Variants in EPS8 observed in about 807,000 individuals in gnomAD.
The protein encoded by EPS8 is EGFR pathway substrate 8, signaling adaptor.
Under a neutral mutation model 103.8 loss-of-function variants are expected in EPS8, and 42 were observed. That is an observed-to-expected ratio of 0.40 (90% confidence interval 0.32 to 0.52). The LOEUF is 0.52. EPS8 is among the 20% of genes least tolerant of loss of function. The probability of loss-of-function intolerance (pLI) is 0.40; values close to 1 mark genes in which losing one functional copy is unlikely to be tolerated. For synonymous variants in EPS8, 344 were observed against 344.6 expected (o/e 1.00, Z 0.02); for missense variants, 969 against 1,005.1 (o/e 0.96, Z 0.49).
In EPS8 at chr12:15,784,985, G is replaced by C. The variant is rs575220240; in HGVS notation, c.-22+4176C>G. On this transcript the variant is annotated intron_variant, in intron 1 of 20. Transcript: ENST00000281172. The surrounding 1 kb of genome is among the most constrained non-coding windows in gnomAD (Gnocchi z 4.0). ...ACAGAGGTTATGAGTGAAGCCCAGGGGATTTGTAATGTGTTGAAATTATTC... is the reference window on the plus strand; with the variant it reads ...ACAGAGGTTATGAGTGAAGCCCAGGCGATTTGTAATGTGTTGAAATTATTC... Among the ~76,000 whole-genome samples the C allele has an allele frequency of 2.8e-3, 426 of 152,096 alleles. 4 individuals are homozygous for C. Among genetic ancestry groups the C allele is most frequent in the African/African-American group, 9.7e-3 (403 of 41,510 alleles).
chr12:15,724,631 G>A (rs896023504), intron 1 of EPS8, among the ~76,000 whole-genome samples: 13 of 152,190 alleles, frequency 8.5e-5, no homozygotes, highest in Non-Finnish European at 1.3e-4. Flanking sequence ...ATTCCCATAT[G>A]TCATGGGAGG....
intron 17 of EPS8, among the ~76,000 whole-genome samples, chr12:15,638,989 T>G (rs557405392): frequency 6.6e-6 from 1 of 152,244 alleles, no homozygotes; most frequent in Non-Finnish European, 1.5e-5. Context: ...ATTCCTATTA[T>G]AGAATTCATA....
intron 3 of EPS8, among the ~76,000 whole-genome samples, chr12:15,678,630 A>C (rs1945950224): frequency 6.6e-6 from 1 of 152,156 alleles, no homozygotes; most frequent in Non-Finnish European, 1.5e-5. Context: ...GGAAAATAAA[A>C]ATTAACTGCT....
chr12:15,676,496 A>G (rs1407705456), intron 3 of EPS8, among the ~76,000 whole-genome samples: 1 of 152,170 alleles, frequency 6.6e-6, no homozygotes, highest in African/African-American at 2.4e-5. Context: ...TAAGGAGTGC[A>G]GTCCCTGAGT....
At chr12:15,703,764 C>T (rs1218912640) in intron 1 of EPS8, among the ~76,000 whole-genome samples, 1 of 146,604 alleles carries the variant, frequency 6.8e-6, no homozygotes, top group Non-Finnish European at 1.5e-5. Flanking sequence ...TTTCAGGAAG[C>T]AAAGTTGATT....
In EPS8 at chr12:15,680,842, A is replaced by G. The variant is rs576727253; in HGVS notation, c.136+384T>C. Reference sequence around the variant, plus strand: ...TATAACATCTATTAGACATACTGTAATAATACCCCCCAAAATTCAAGAGCT... The same window carrying G: ...TATAACATCTATTAGACATACTGTAGTAATACCCCCCAAAATTCAAGAGCT... On this transcript the variant is annotated intron_variant, in intron 3 of 20. Coordinates refer to ENST00000281172, the MANE Select transcript of EPS8 (RefSeq NM_004447.6). Among the ~76,000 whole-genome samples the G allele has an allele frequency of 3.3e-5, 5 of 152,292 alleles. No individual in the cohort carries two copies. In the South Asian group the frequency reaches 8.3e-4, roughly 25 times the overall value.
In EPS8 at chr12:15,757,996, C is replaced by T. The variant is rs1423668089; in HGVS notation, c.-22+31165G>A. On this transcript the variant is annotated intron_variant, in intron 1 of 20. Coordinates refer to ENST00000281172, the MANE Select transcript of EPS8 (RefSeq NM_004447.6). The surrounding 1 kb of genome is among the most constrained non-coding windows in gnomAD (Gnocchi z 4.1). ...TTGGAATCATCTGAAGGCCTATTCA[C>T]TGTCAGCTTGAGACCTTAGCTGGAG... Among the ~76,000 whole-genome samples the T allele has an allele frequency of 2.0e-5, 3 of 152,220 alleles. No individual in the cohort carries two copies.
At chr12:15,627,206 C>G (rs1416489016) in intron 18 of EPS8, among the ~76,000 whole-genome samples, 1 of 151,970 alleles carries the variant, frequency 6.6e-6, no homozygotes, top group Non-Finnish European at 1.5e-5. Context: ...GGGTTTCACC[C>G]TGTTGGCCAG....
rs186524139 is a variant in EPS8, at chr12:15,629,404, T to A, written c.2044+2038A>T. Reference sequence around the variant, plus strand: ...CTGACGTCTCTACGGAGGGAAATGCTATAAACTTGTGGGAAGAATAAAGAA... The same window carrying A: ...CTGACGTCTCTACGGAGGGAAATGCAATAAACTTGTGGGAAGAATAAAGAA... On this transcript the variant is annotated intron_variant, in intron 18 of 20. Transcript: ENST00000281172. 3.6e-3 allele frequency among the ~76,000 whole-genome samples: 541 copies of A among 152,328 alleles called. 1 individual carries two copies. The highest frequency in any genetic ancestry group is 5.5e-3 in the Non-Finnish European group (375 of 68,026).
At chr12:15,663,944 A>AAAAAAAAAAAAAAAATAAT (rs1555112203) in intron 8 of EPS8, among the ~76,000 whole-genome samples, 1 of 85,976 alleles carries the variant, frequency 1.2e-5, no homozygotes, top group African/African-American at 4.5e-5. Flanking sequence ...AAAAAAAAAA[A>AAAAAAAAAAAAAAAATAAT]AATAATATAT....
In EPS8 at chr12:15,647,275, G is replaced by A. The variant is rs1482836480; in HGVS notation, c.1435-15C>T. 1.9e-6 allele frequency: 3 copies of A among 1,605,876 alleles called. No homozygotes were observed. Among genetic ancestry groups the A allele is most frequent in the Non-Finnish European group, 2.6e-6 (3 of 1,176,108 alleles). The stretch of plus-strand genomic sequence containing the variant: ...ACACTGGAATGCTGAAAGACAAAGT[G>A]GGGCAGATTAAAGAATCACCAAATA... On this transcript the variant is annotated splice_polypyrimidine_tract_variant and intron_variant, in intron 14 of 20. Transcript: ENST00000281172.
chr12:15,711,730 T>C (rs964354349), intron 1 of EPS8, among the ~76,000 whole-genome samples: 1 of 152,220 alleles, frequency 6.6e-6, no homozygotes. Context: ...AATATTTCTA[T>C]GGGTAGTTAA....
chr12:15,649,888 T>C (rs1443603551), intron 14 of EPS8, among the ~76,000 whole-genome samples: 1 of 152,132 alleles, frequency 6.6e-6, no homozygotes, highest in African/African-American at 2.4e-5. Flanking sequence ...AGAAAATTAA[T>C]CTAAGGAATT....
chr12:15,632,655 G>T (rs988452922), intron 17 of EPS8, among the ~76,000 whole-genome samples: 1 of 152,156 alleles, frequency 6.6e-6, no homozygotes, highest in Non-Finnish European at 1.5e-5. Flanking sequence ...CTGGTCCTTT[G>T]ATTAGAACAG....
chr12:15,675,697 AGGT>A (rs1407633020), intron 3 of EPS8, among the ~76,000 whole-genome samples: 2 of 152,258 alleles, frequency 1.3e-5, no homozygotes, highest in Non-Finnish European at 2.9e-5. Flanking sequence ...AGTTAACTGT[AGGT>A]GTTGGTAATG....
chr12:15,742,740 T>C (rs1946837749), intron 1 of EPS8, among the ~76,000 whole-genome samples: 1 of 152,172 alleles, frequency 6.6e-6, no homozygotes, highest in Non-Finnish European at 1.5e-5. Flanking sequence ...CTCAATTAAC[T>C]AGGTATTGAT....
At position 15,780,384 on chromosome 12, in the gene EPS8, T is replaced by C. The variant is rs956776822; in HGVS notation, c.-22+8777A>G. Among the ~76,000 whole-genome samples the C allele has an allele frequency of 1.3e-5, 2 of 151,606 alleles. No homozygotes were observed. The highest frequency in any genetic ancestry group is 4.8e-5 in the African/African-American group (2 of 41,248). On this transcript the variant is annotated intron_variant, in intron 1 of 20. Transcript: ENST00000281172. This position sits in a 1 kb window ranked among gnomAD's most constrained non-coding sequence, Gnocchi z 4.1. Reference sequence around the variant, plus strand: ...TGAGCGTCTCGCTTTGCCTCAAAAATTCATTCTATGAGACTCAAACATCAC... The same window carrying C: ...TGAGCGTCTCGCTTTGCCTCAAAAACTCATTCTATGAGACTCAAACATCAC...
chr12:15,661,230 C>T (rs1414342953), intron 9 of EPS8, among the ~76,000 whole-genome samples: 1 of 152,106 alleles, frequency 6.6e-6, no homozygotes, highest in Non-Finnish European at 1.5e-5. Flanking sequence ...TAGAATAATG[C>T]ACCATGCTTT....
At chr12:15,635,329 A>C (rs921017340) in intron 17 of EPS8, among the ~76,000 whole-genome samples, 1 of 152,226 alleles carries the variant, frequency 6.6e-6, no homozygotes, top group Admixed American at 6.5e-5. Flanking sequence ...ATCATTAAGA[A>C]GTCTCTGGGA....
Sources: allele counts gnomAD v4.1 joint callset (sites outside exome capture counted in the v4.1 genomes callset), GRCh38; gene constraint gnomAD v4.1.1; non-coding constraint Gnocchi (gnomAD v3.1); transcripts MANE v1.5; gene names NCBI Gene and HGNC (gene_info 2026-07-23, HGNC 2026-07-21).